Variants in CDH12 observed in about 807,000 individuals in gnomAD.
CDH12 encodes cadherin-12.
Under a neutral mutation model 74.1 loss-of-function variants are expected in CDH12, and 41 were observed. The ratio of observed to expected loss-of-function variants is 0.55; its 90% CI spans 0.43 to 0.72. CDH12 has a LOEUF of 0.72. Among genes scored for constraint, CDH12 ranks in the 30% least tolerant of loss-of-function variants. The pLI is 0.00. For missense variants in CDH12, 945 were observed against 977.2 expected (o/e 0.97, Z 0.44); for synonymous variants, 399 against 355.0 (o/e 1.12, Z -1.39).
chr5:22,013,013 C>T (rs1466120873), intron 5 of CDH12, among the ~76,000 whole-genome samples: 1 of 148,374 alleles, frequency 6.7e-6, no homozygotes, highest in Non-Finnish European at 1.5e-5. Flanking sequence ...ACAATTTATA[C>T]CAAACTGCAA....
Position 22,301,320 on chromosome 5 carries a change from C to G in CDH12, c.-332-88677G>C, listed in dbSNP as rs140085388. ...ATAGTTGTCAGGGGCACACTATCCA[C>G]CTGGCACAGGTCACAAGGCCAATCC... is the stretch of plus-strand genomic sequence containing the variant. On this transcript the variant is annotated intron_variant, in intron 3 of 14. Coordinates refer to ENST00000382254, the MANE Select transcript of CDH12 (RefSeq NM_004061.5). 4.0e-3 allele frequency among the ~76,000 whole-genome samples: 614 copies of G among 152,306 alleles called. 9 individuals carry two copies. Among genetic ancestry groups the G allele is most frequent in the African/African-American group, 0.014 (583 of 41,562 alleles).
At chr5:21,967,087 T>C (rs1289827682) in intron 6 of CDH12, among the ~76,000 whole-genome samples, 3 of 151,962 alleles carry the variant, frequency 2.0e-5, no homozygotes, top group Non-Finnish European at 4.4e-5. Context: ...TGCATGCCCA[T>C]CTTTATGCCT....
intron 14 of CDH12, among the ~76,000 whole-genome samples, chr5:21,754,625 C>G (rs976313634): frequency 2.0e-5 from 3 of 152,118 alleles, no homozygotes; most frequent in Non-Finnish European, 2.9e-5. Flanking sequence ...CACAAGCTAC[C>G]ATATAACGCG....
chr5:21,825,216 C>T (rs10044329), intron 8 of CDH12, among the ~76,000 whole-genome samples: 131,640 of 151,696 alleles, frequency 0.87, 57,382 homozygotes, highest in South Asian at 0.91. Flanking sequence ...GCTACAAGAG[C>T]CTTAAAAGCA....
At chr5:21,871,986 A>G (rs1352089561) in intron 6 of CDH12, among the ~76,000 whole-genome samples, 1 of 152,200 alleles carries the variant, frequency 6.6e-6, no homozygotes, top group Non-Finnish European at 1.5e-5. Context: ...TTAGAGACCC[A>G]AGGGAAAAGA....
At chr5:22,019,871 C>T (rs575604772) in intron 5 of CDH12, among the ~76,000 whole-genome samples, 1 of 152,280 alleles carries the variant, frequency 6.6e-6, no homozygotes, top group South Asian at 2.1e-4. Context: ...GGCAACCTAA[C>T]TGTCAATATG....
intron 6 of CDH12, among the ~76,000 whole-genome samples, chr5:21,938,483 A>G (rs940915571): frequency 2.7e-5 from 4 of 146,254 alleles, no homozygotes; most frequent in African/African-American, 1.0e-4. Context: ...AAAATATATA[A>G]ATGGTACATA....
intron 3 of CDH12, among the ~76,000 whole-genome samples, chr5:22,250,406 A>T (rs1370658665): frequency 6.6e-6 from 1 of 152,070 alleles, no homozygotes; most frequent in Admixed American, 6.6e-5. Flanking sequence ...GGCGGCTGGG[A>T]CCTCAGCTGG....
intron 2 of CDH12, among the ~76,000 whole-genome samples, chr5:22,494,677 A>C (rs189373518): frequency 6.6e-6 from 1 of 152,260 alleles, no homozygotes. Flanking sequence ...GTTTCCAAGA[A>C]CCTATTGATG....
chr5:22,581,452 T>C (rs572795152), intron 1 of CDH12, among the ~76,000 whole-genome samples: 87 of 152,302 alleles, frequency 5.7e-4, no homozygotes, highest in African/African-American at 2.0e-3. Flanking sequence ...CTGCAGAGGT[T>C]TCCATACATC....
intron 1 of CDH12, among the ~76,000 whole-genome samples, chr5:22,747,472 A>C (rs1186689816): frequency 2.0e-5 from 3 of 151,456 alleles, no homozygotes; most frequent in African/African-American, 7.3e-5. Context: ...AAAAAAAAAA[A>C]AAACTACAAA....
intron 1 of CDH12, among the ~76,000 whole-genome samples, chr5:22,782,007 G>T (rs555618063): frequency 6.6e-6 from 1 of 152,190 alleles, no homozygotes; most frequent in Non-Finnish European, 1.5e-5. Context: ...CTCCCATTTG[G>T]AATGGGAACA....
At position 22,333,960 on chromosome 5, in the gene CDH12, G is replaced by A. The variant is rs542668584; in HGVS notation, c.-333+71297C>T. Among the ~76,000 whole-genome samples the A allele has an allele frequency of 1.3e-4, 20 of 152,264 alleles. No individual in the cohort carries two copies. In the East Asian group the frequency reaches 3.7e-3, roughly 28 times the overall value. ...ATGACAAAAACCCTTTAAAAATTGA[G>A]TATAGAAGGAACAGACCTCAACCTA... is the stretch of plus-strand genomic sequence containing the variant. On this transcript the variant is annotated intron_variant, in intron 3 of 14. Coordinates refer to ENST00000382254, the MANE Select transcript of CDH12 (RefSeq NM_004061.5).
chr5:22,524,812 T>C (rs575795161), intron 1 of CDH12, among the ~76,000 whole-genome samples: 1 of 152,156 alleles, frequency 6.6e-6, no homozygotes, highest in African/African-American at 2.4e-5. Flanking sequence ...TATTTTTATT[T>C]ATTTATTTTT....
chr5:22,250,422 T>C (rs1753098175), intron 3 of CDH12, among the ~76,000 whole-genome samples: 1 of 152,122 alleles, frequency 6.6e-6, no homozygotes, highest in Non-Finnish European at 1.5e-5. Flanking sequence ...GCTGGGGCTG[T>C]GATCAGAATC....
chr5:22,274,655 A>G (rs913654474), intron 3 of CDH12, among the ~76,000 whole-genome samples: 1 of 152,044 alleles, frequency 6.6e-6, no homozygotes, highest in Non-Finnish European at 1.5e-5. Context: ...ATATGCCAAT[A>G]TATATATAAT....
intron 1 of CDH12, among the ~76,000 whole-genome samples, chr5:22,659,000 T>C (rs1315323620): frequency 6.6e-6 from 1 of 152,132 alleles, no homozygotes; most frequent in Non-Finnish European, 1.5e-5. Flanking sequence ...AACAAGTAAA[T>C]TTATCTAGCT....
At chr5:21,992,384 G>A (rs2355293) in intron 5 of CDH12, among the ~76,000 whole-genome samples, 2 of 152,092 alleles carry the variant, frequency 1.3e-5, no homozygotes, top group Non-Finnish European at 2.9e-5. Context: ...TTTTTGTTTT[G>A]TTTTTTAAAT....
chr5:22,617,124 C>A (rs1006382849), intron 1 of CDH12, among the ~76,000 whole-genome samples: 1 of 151,968 alleles, frequency 6.6e-6, no homozygotes, highest in Non-Finnish European at 1.5e-5. Flanking sequence ...AGGCTCCCAC[C>A]TAGCCTCCTA....
Sources: allele counts gnomAD v4.1 joint callset (sites outside exome capture counted in the v4.1 genomes callset), GRCh38; gene constraint gnomAD v4.1.1; transcripts MANE v1.5; gene names NCBI Gene and HGNC (gene_info 2026-07-23, HGNC 2026-07-21).